The following DNAH14 variants were observed in gnomAD, a reference collection of about 807,000 sequenced individuals.
The protein encoded by DNAH14 is dynein axonemal heavy chain 14.
A neutral mutation model predicts 520.9 loss-of-function variants in DNAH14; 478 were observed. The observed-to-expected ratio is 0.92, with a 90% confidence interval of 0.85 to 0.99. The LOEUF (loss-of-function observed/expected upper bound fraction) is 0.99. Among genes scored for constraint, DNAH14 ranks in the 50% least tolerant of loss-of-function variants. The probability of loss-of-function intolerance (pLI) is 0.00; values close to 1 mark genes in which losing one functional copy is unlikely to be tolerated. For missense variants in DNAH14, 4,831 were observed against 5,234.5 expected (o/e 0.92, Z 2.38); for synonymous variants, 1,581 against 1,757.2 (o/e 0.90, Z 2.51).
chr1:225,356,406 C>T (rs1376766830), intron 73 of DNAH14, among the ~76,000 whole-genome samples: 1 of 152,136 alleles, frequency 6.6e-6, no homozygotes, highest in African/African-American at 2.4e-5. Context: ...TGCCATTTGT[C>T]ATCATATTTG....
At chr1:225,190,982 C>T (rs2085353979) in intron 37 of DNAH14, among the ~76,000 whole-genome samples, 1 of 151,878 alleles carries the variant, frequency 6.6e-6, no homozygotes, top group African/African-American at 2.4e-5. Flanking sequence ...CTGTTGCCTG[C>T]TTTATGTTGT....
chr1:225,002,802 C>CT lies in DNAH14; in HGVS notation c.857dup (p.Leu286PhefsTer3). 5.2e-6 allele frequency: 8 copies of CT among 1,548,844 alleles called. No homozygotes were observed. Among genetic ancestry groups the CT allele is most frequent in the East Asian group, 2.5e-5 (1 of 40,706 alleles). On this transcript the variant is annotated frameshift_variant, in exon 9 of 86. Transcript: ENST00000682510. LOFTEE classifies it high-confidence loss of function. The stretch of plus-strand genomic sequence containing the variant: ...TTTCAGGTCATTTTTGTACCACCAT[C>CT]TTTTTTTGGCTGATGACTTGTTTCA...
rs1015132047 is a variant in DNAH14, at chr1:225,066,452, T to A, written c.2425-12755T>A. Among the ~76,000 whole-genome samples the A allele has an allele frequency of 3.9e-5, 6 of 151,902 alleles. 1 individual carries two copies. Among genetic ancestry groups the A allele is most frequent in the African/African-American group, 9.7e-5 (4 of 41,388 alleles). The stretch of plus-strand genomic sequence containing the variant: ...CTTTGCCCCTGTCTTCTTCTAGAAG[T>A]TTTACAGTTTTCAGTCTTCATTTTT... On this transcript the variant is annotated intron_variant, in intron 17 of 85. Coordinates refer to ENST00000682510, the MANE Select transcript of DNAH14 (RefSeq NM_001367479.1).
chr1:225,203,764 C>A (rs1388547165), intron 38 of DNAH14, among the ~76,000 whole-genome samples: 2 of 152,068 alleles, frequency 1.3e-5, no homozygotes, highest in African/African-American at 4.8e-5. Context: ...GTGTTACAAT[C>A]TGTAATTTAA....
At chr1:224,945,530 T>G (rs1328945228) in intron 1 of DNAH14, among the ~76,000 whole-genome samples, 2 of 152,238 alleles carry the variant, frequency 1.3e-5, no homozygotes, top group Non-Finnish European at 1.5e-5. Context: ...CCGTTGTTGG[T>G]GAGGAGCTGT....
intron 67 of DNAH14, 65 bp from the exon 68 acceptor site, chr1:225,337,995 GC>G: frequency 7.2e-7 from 1 of 1,380,524 alleles, no homozygotes; most frequent in Non-Finnish European, 9.6e-7. Context: ...TTTTATTGCT[GC>G]TTTTTTTTTT....
intron 4 of DNAH14, 100 bp from the exon 5 acceptor site, chr1:224,964,378 TA>T: frequency 1.6e-6 from 2 of 1,272,044 alleles, no homozygotes; most frequent in Non-Finnish European, 2.0e-6. Flanking sequence ...TGTTACCATT[TA>T]AATTTTTCTC....
chr1:225,052,966 C>T (rs551806854), intron 17 of DNAH14, among the ~76,000 whole-genome samples: 28 of 152,118 alleles, frequency 1.8e-4, no homozygotes, highest in Non-Finnish European at 3.7e-4. Flanking sequence ...GAGCATGATG[C>T]TCATGCACTG....
chr1:225,072,199 CTT>C (rs1199381549), intron 17 of DNAH14, among the ~76,000 whole-genome samples: 1 of 152,194 alleles, frequency 6.6e-6, no homozygotes, highest in African/African-American at 2.4e-5. Flanking sequence ...GATTCAGTCT[CTT>C]TACATAATCC....
At chr1:225,221,494 T>C (rs990022684) in intron 41 of DNAH14, among the ~76,000 whole-genome samples, 4 of 152,070 alleles carry the variant, frequency 2.6e-5, no homozygotes, top group Non-Finnish European at 5.9e-5. Flanking sequence ...AGGTAAAGGA[T>C]ATGAACAGAC....
In DNAH14 at chr1:225,239,535, A is replaced by T. The variant is rs585546; in HGVS notation, c.6519-1058A>T. Among the ~76,000 whole-genome samples, 108 of 152,102 alleles carry T rather than the reference A, an allele frequency of 7.1e-4. 1 individual carries two copies. Among genetic ancestry groups the T allele is most frequent in the African/African-American group, 2.5e-3 (105 of 41,496 alleles). On this transcript the variant is annotated intron_variant, in intron 42 of 85. Transcript: ENST00000682510. ...TGCCTAGTCAGTCCCAGTGAGAGAA[A>T]CTGGATATTTCAGTTGAAGGTGCTG...
chr1:225,284,049 A>G (rs933277982), intron 54 of DNAH14, among the ~76,000 whole-genome samples: 1 of 152,158 alleles, frequency 6.6e-6, no homozygotes, highest in Admixed American at 6.5e-5. Flanking sequence ...ACTTATATTT[A>G]AAAAGAGCAA....
chr1:225,087,254 G>A (rs2073925661), intron 21 of DNAH14, among the ~76,000 whole-genome samples: 1 of 152,186 alleles, frequency 6.6e-6, no homozygotes, highest in South Asian at 2.1e-4. Context: ...GAGGCAGAAG[G>A]GCAAGTGAAA....
intron 8 of DNAH14, 47 bp from the exon 9 acceptor site, chr1:225,002,736 T>A: frequency 6.7e-7 from 1 of 1,501,744 alleles, no homozygotes; most frequent in Middle Eastern, 1.7e-4. Flanking sequence ...ATTAATTTTA[T>A]TCATTTTGAA....
chr1:224,999,874 T>C (rs947147060), intron 8 of DNAH14, among the ~76,000 whole-genome samples: 7 of 152,130 alleles, frequency 4.6e-5, no homozygotes, highest in Admixed American at 3.3e-4. Flanking sequence ...TCTTAAATAG[T>C]TTTTATGCAT....
intron 56 of DNAH14, among the ~76,000 whole-genome samples, chr1:225,301,699 G>A (rs2094142361): frequency 6.6e-6 from 1 of 152,048 alleles, no homozygotes. Context: ...ACTAGTTTTT[G>A]TCTATCATAG....
intron 36 of DNAH14, among the ~76,000 whole-genome samples, chr1:225,184,898 G>A (rs369315400): frequency 5.3e-5 from 8 of 151,982 alleles, no homozygotes; most frequent in African/African-American, 7.2e-5. Flanking sequence ...ATTATAGTAC[G>A]GGAAGTCCTA....
intron 23 of DNAH14, among the ~76,000 whole-genome samples, chr1:225,115,958 T>TA (rs2076840782): frequency 6.6e-6 from 1 of 152,146 alleles, no homozygotes; most frequent in Non-Finnish European, 1.5e-5. Context: ...TATGACCATA[T>TA]AAAAGAGGAC....
At chr1:225,210,556 C>T (rs578148284) in intron 41 of DNAH14, among the ~76,000 whole-genome samples, 21 of 150,852 alleles carry the variant, frequency 1.4e-4, no homozygotes, top group Admixed American at 7.2e-4. Flanking sequence ...GACAGAGCAC[C>T]TGGGGGAAGG....
Sources: allele counts gnomAD v4.1 joint callset (sites outside exome capture counted in the v4.1 genomes callset), GRCh38; gene constraint gnomAD v4.1.1; transcripts MANE v1.5; gene names NCBI Gene and HGNC (gene_info 2026-07-23, HGNC 2026-07-21).